TBXAS1: variants seen among roughly 807,000 people sequenced by gnomAD.
TBXAS1 encodes thromboxane-A synthase.
Under a neutral mutation model 60.7 loss-of-function variants are expected in TBXAS1, and 48 were observed. The observed-to-expected ratio is 0.79, with a 90% CI of 0.63 to 1.01. The LOEUF is 1.01. Among genes scored for constraint, TBXAS1 ranks in the 50% least tolerant of loss-of-function variants. The pLI is 0.00. For synonymous variants in TBXAS1, 287 were observed against 269.7 expected (o/e 1.06, Z -0.63); for missense variants, 685 against 686.3 (o/e 1.00, Z 0.02).
intron 1 of TBXAS1, 126 bp from the exon 2 acceptor site, chr7:139,872,109 G>T: frequency 1.0e-6 from 1 of 952,606 alleles, no homozygotes; most frequent in Admixed American, 1.9e-5. Context: ...GTTCTTAGAT[G>T]TGGTGACTGG....
At chr7:139,851,429 G>A (rs1360294420) in intron 1 of TBXAS1, among the ~76,000 whole-genome samples, 2 of 152,234 alleles carry the variant, frequency 1.3e-5, no homozygotes, top group South Asian at 2.1e-4. Context: ...CTGACCCATA[G>A]CAAGTGCTTA....
intron 9 of TBXAS1, among the ~76,000 whole-genome samples, chr7:140,000,233 C>A (rs1310695693): frequency 6.6e-6 from 1 of 152,168 alleles, no homozygotes; most frequent in Non-Finnish European, 1.5e-5. Flanking sequence ...GGCAGAGTGG[C>A]TCATGCCTGT....
At chr7:139,932,166 C>CAAAA (rs56765418) in intron 4 of TBXAS1, among the ~76,000 whole-genome samples, 3 of 66,396 alleles carry the variant, frequency 4.5e-5, no homozygotes, top group African/African-American at 4.4e-5. Flanking sequence ...GACTCCATCT[C>CAAAA]AAAAAAAAAA....
chr7:139,792,678 C>T (rs1301885857), intron 4 of TBXAS1, among the ~76,000 whole-genome samples: 1 of 152,176 alleles, frequency 6.6e-6, no homozygotes, highest in African/African-American at 2.4e-5. Flanking sequence ...GACTCCCTGT[C>T]TGCTTTTACT....
intron 1 of TBXAS1, among the ~76,000 whole-genome samples, chr7:139,865,096 C>A (rs1201750630): frequency 6.6e-6 from 1 of 152,138 alleles, no homozygotes; most frequent in Non-Finnish European, 1.5e-5. Flanking sequence ...CAGATGATTT[C>A]CAGCCCTGAG....
At chr7:139,806,623 G>C (rs1016673563) in intron 4 of TBXAS1, among the ~76,000 whole-genome samples, 1 of 152,038 alleles carries the variant, frequency 6.6e-6, no homozygotes, top group African/African-American at 2.4e-5. Context: ...CCTATGCTCT[G>C]TTCCCCTTTT....
At chr7:139,928,249 T>G (rs1257298812) in intron 4 of TBXAS1, among the ~76,000 whole-genome samples, 1 of 152,230 alleles carries the variant, frequency 6.6e-6, no homozygotes, top group Non-Finnish European at 1.5e-5. Context: ...ATTGTATATG[T>G]TTTTCTGTTT....
At chr7:139,791,451 T>C (rs1222493093) in intron 4 of TBXAS1, among the ~76,000 whole-genome samples, 5 of 152,146 alleles carry the variant, frequency 3.3e-5, no homozygotes, top group African/African-American at 1.2e-4. Context: ...CCCTTTGCAC[T>C]CTATGGGCCA....
upstream of TBXAS1, among the ~76,000 whole-genome samples, chr7:139,826,301 A>T (rs1798436559): frequency 6.6e-6 from 1 of 152,106 alleles, no homozygotes; most frequent in African/African-American, 2.4e-5. Flanking sequence ...CTGAAAAAGG[A>T]GAGGGGTGGG....
intron 4 of TBXAS1, among the ~76,000 whole-genome samples, chr7:139,923,733 T>A (rs1050597156): frequency 2.7e-5 from 4 of 150,288 alleles, no homozygotes; most frequent in African/African-American, 5.0e-5. Flanking sequence ...AAATACTAGG[T>A]CTTATTCACT....
intron 3 of TBXAS1, among the ~76,000 whole-genome samples, chr7:139,786,377 G>T (rs1326089531): frequency 6.6e-6 from 1 of 152,098 alleles, no homozygotes; most frequent in Non-Finnish European, 1.5e-5. Context: ...CTTCTAGACA[G>T]CTTTGAACCG....
At chr7:139,847,027 TG>T (rs1238204074) in intron 1 of TBXAS1, among the ~76,000 whole-genome samples, 4 of 152,180 alleles carry the variant, frequency 2.6e-5, no homozygotes, top group Admixed American at 1.3e-4. Context: ...AAAGGGAGTA[TG>T]AGGGTTTGTG....
chr7:139,986,307 C>G (rs1812454184), intron 9 of TBXAS1, among the ~76,000 whole-genome samples: 1 of 152,194 alleles, frequency 6.6e-6, no homozygotes, highest in African/African-American at 2.4e-5. Flanking sequence ...TAGGGCCACA[C>G]AGCTGAGAAG....
intron 1 of TBXAS1, among the ~76,000 whole-genome samples, chr7:139,858,978 C>T (rs1268906077): frequency 2.0e-5 from 3 of 151,998 alleles, no homozygotes; most frequent in Non-Finnish European, 2.9e-5. Flanking sequence ...AAGTGACTCA[C>T]CTGCCTCAGC....
At position 139,986,722 on chromosome 7, in the gene TBXAS1, C is replaced by CATATAT. The variant is rs1430609067; in HGVS notation, c.1135-20357_1135-20352dup. On this transcript the variant is annotated intron_variant, in intron 9 of 12. Coordinates refer to ENST00000448866, the MANE Select transcript of TBXAS1 (RefSeq NM_001061.7). ...TTTTTATGGCTGAGTAGTATTCCATCATATATATATATATATACATACATA... is the reference window on the plus strand; with the variant it reads ...TTTTTATGGCTGAGTAGTATTCCATCATATATATATATATATATATATACATACATA... Among the ~76,000 whole-genome samples the CATATAT allele has an allele frequency of 2.0e-3, 129 of 64,846 alleles. 7 individuals are homozygous for CATATAT. Among genetic ancestry groups the CATATAT allele is most frequent in the Admixed American group, 7.4e-3 (39 of 5,290 alleles). The allele number at this position is 64,846 out of a possible 152,430, so 42.5% of individuals were successfully genotyped here. A position where few individuals can be genotyped will look rare whatever the true frequency, so the allele number is the denominator to read the frequency against.
At chr7:139,932,971 C>T (rs1429609017) in intron 4 of TBXAS1, among the ~76,000 whole-genome samples, 2 of 152,148 alleles carry the variant, frequency 1.3e-5, no homozygotes, top group East Asian at 1.9e-4. Context: ...AGGGTAGGAT[C>T]GCTTGAGTCC....
At chr7:139,994,167 G>A (rs752797096) in intron 9 of TBXAS1, among the ~76,000 whole-genome samples, 16 of 152,020 alleles carry the variant, frequency 1.1e-4, no homozygotes, top group South Asian at 4.1e-4. Context: ...TCAGCCTCCC[G>A]CGTAGCTGGG....
At chr7:139,923,039 G>T (rs928964057) in intron 4 of TBXAS1, among the ~76,000 whole-genome samples, 5 of 152,202 alleles carry the variant, frequency 3.3e-5, no homozygotes, top group Admixed American at 6.5e-5. Context: ...AAAGATGGCA[G>T]TGTGGCCAGG....
chr7:139,933,959 A>G (rs986126324), intron 4 of TBXAS1, among the ~76,000 whole-genome samples: 12 of 152,120 alleles, frequency 7.9e-5, no homozygotes, highest in Non-Finnish European at 1.3e-4. Context: ...ATGGCCTGAG[A>G]AGAAGGGATG....
Sources: allele counts gnomAD v4.1 joint callset (sites outside exome capture counted in the v4.1 genomes callset), GRCh38; gene constraint gnomAD v4.1.1; transcripts MANE v1.5; gene names NCBI Gene and HGNC (gene_info 2026-07-23, HGNC 2026-07-21).